DIP2A: variants seen among roughly 807,000 people sequenced by gnomAD.
The protein encoded by DIP2A is disco-interacting protein 2 homolog A.
A neutral mutation model predicts 177.4 loss-of-function variants in DIP2A; 85 were observed. The observed-to-expected ratio is 0.48, with a 90% confidence interval of 0.40 to 0.57. DIP2A has a LOEUF of 0.57. DIP2A is among the 20% of genes least tolerant of loss of function. The pLI, the probability that DIP2A is intolerant of heterozygous loss-of-function variation, is 0.00. For synonymous variants in DIP2A, 886 were observed against 881.8 expected (o/e 1.00, Z -0.08); for missense variants, 1,791 against 2,100.2 (o/e 0.85, Z 2.88).
chr21:46,480,872 G>A (rs1283608964), intron 1 of DIP2A, among the ~76,000 whole-genome samples: 2 of 152,124 alleles, frequency 1.3e-5, no homozygotes, highest in East Asian at 3.9e-4. Flanking sequence ...GCCCTGTTGG[G>A]GTGCTTCTTC....
chr21:46,554,373 C>T (rs1237955064), intron 26 of DIP2A, 81 bp downstream of exon 26: 3 of 1,572,376 alleles, frequency 1.9e-6, no homozygotes, highest in Non-Finnish European at 8.6e-7. Flanking sequence ...ACACTCCCTC[C>T]CCGAAGCATC....
At position 46,570,008 on chromosome 21, in the gene DIP2A, A is replaced by T. The variant is rs562272984; in HGVS notation, c.*2386A>T. The stretch of plus-strand genomic sequence containing the variant: ...TTGTACTTAATAAATTATAGACTTT[A>T]AAATCTATTACATATATTCTTCTAC... On this transcript the variant is annotated 3_prime_UTR_variant, in exon 38 of 38. Transcript: ENST00000417564. Among the ~76,000 whole-genome samples, 7 of 152,350 alleles carry T rather than the reference A, an allele frequency of 4.6e-5. No individual in the cohort carries two copies. The highest frequency in any genetic ancestry group is 1.4e-4 in the African/African-American group (6 of 41,588).
intron 1 of DIP2A, among the ~76,000 whole-genome samples, chr21:46,465,691 T>A (rs1249359790): frequency 2.6e-5 from 4 of 151,606 alleles, no homozygotes; most frequent in Admixed American, 2.6e-4. Context: ...CTTGCAGTTT[T>A]AAAAAAACAA....
At chr21:46,548,145 G>A (rs528687347) in intron 21 of DIP2A, among the ~76,000 whole-genome samples, 1 of 152,180 alleles carries the variant, frequency 6.6e-6, no homozygotes, top group South Asian at 2.1e-4. Context: ...ATTGCTCAGG[G>A]GGCTGGGAAG....
intron 7 of DIP2A, among the ~76,000 whole-genome samples, chr21:46,511,094 G>A (rs886240491): frequency 1.3e-5 from 2 of 152,084 alleles, no homozygotes; most frequent in Non-Finnish European, 2.9e-5. Context: ...CTGTGGTGCC[G>A]GGGGTAGCAG....
At chr21:46,551,485 G>T (rs1257341788) in intron 23 of DIP2A, 149 bp from the exon 24 acceptor site, 8 of 696,846 alleles carry the variant, frequency 1.1e-5, no homozygotes, top group Non-Finnish European at 1.9e-5. Context: ...CATAAACCTT[G>T]TAGCTAGCTT....
chr21:46,535,601 A>T (rs781574130), intron 13 of DIP2A, among the ~76,000 whole-genome samples: 12 of 152,196 alleles, frequency 7.9e-5, no homozygotes, highest in Non-Finnish European at 1.3e-4. Context: ...AAAAGAAAAA[A>T]ATATAGGTGT....
Position 46,537,108 on chromosome 21 carries a change from A to G in DIP2A, c.1643-116A>G. 2.1e-6 allele frequency: 2 copies of G among 938,408 alleles called. No individual in the cohort carries two copies. The highest frequency in any genetic ancestry group is 1.3e-5 in the South Asian group (1 of 74,876). 58.1% of individuals were successfully genotyped at this position (938,408 alleles called of 1,614,324 possible). A position where few individuals can be genotyped will look rare whatever the true frequency, so the allele number is the denominator to read the frequency against. On this transcript the variant is annotated intron_variant, in intron 13 of 37. Coordinates refer to ENST00000417564, the MANE Select transcript of DIP2A (RefSeq NM_015151.4). The surrounding 1 kb of genome is among the most constrained non-coding windows in gnomAD (Gnocchi z 4.1). ...GGTATGTGGTATTTGGAAATGCTGT[A>G]TCTGTTCCTGAAACTTACATGTTGA...
chr21:46,483,385 G>A (rs2056481162), intron 1 of DIP2A, among the ~76,000 whole-genome samples: 1 of 151,494 alleles, frequency 6.6e-6, no homozygotes, highest in African/African-American at 2.5e-5. Context: ...GGGGACACAG[G>A]GAATAAATAA....
chr21:46,498,445 G>A lies in DIP2A; in HGVS notation c.404-137G>A, dbSNP rs936308727. 14 of 1,054,292 alleles carry A rather than the reference G, an allele frequency of 1.3e-5. No homozygotes were observed. The highest frequency in any genetic ancestry group is 2.2e-4 in the Middle Eastern group (1 of 4,472). The allele number at this position is 1,054,292 out of a possible 1,614,324, so 65.3% of individuals were successfully genotyped here. ...TGAGGGTGACCTTTGAGCTGACTGCGTGGCTTTGGGCAGAGCTGTGCCAGG... is the reference window on the plus strand; with the variant it reads ...TGAGGGTGACCTTTGAGCTGACTGCATGGCTTTGGGCAGAGCTGTGCCAGG... On this transcript the variant is annotated intron_variant, in intron 4 of 37. Transcript: ENST00000417564. This position sits in a 1 kb window ranked among gnomAD's most constrained non-coding sequence, Gnocchi z 4.3.
rs1267743320 is a variant in DIP2A at position 46,523,235 on chromosome 21, T to C, written c.1103-5857T>C. On this transcript the variant is annotated intron_variant, in intron 8 of 37. Transcript: ENST00000417564. ...CCACCAATGCCTAGCTTCTTATTTATTTATTTATTTATTTTTTGAGATGGA... is the reference window on the plus strand; with the variant it reads ...CCACCAATGCCTAGCTTCTTATTTACTTATTTATTTATTTTTTGAGATGGA... 3.4e-5 allele frequency among the ~76,000 whole-genome samples: 5 copies of C among 148,382 alleles called. No homozygotes were observed. The East Asian group carries it at 1.0e-3, about 30-fold the overall frequency.
At position 46,557,147 on chromosome 21, in the gene DIP2A, C is replaced by T. The variant is rs932117862; in HGVS notation, c.3629+78C>T. ...TAGGAACCTTGGCCTTCTAAGGCAC[C>T]TTTTCTGGGTGCTCAGGAAGCCGAT... On this transcript the variant is annotated intron_variant, in intron 30 of 37. Coordinates refer to ENST00000417564, the MANE Select transcript of DIP2A (RefSeq NM_015151.4). The surrounding 1 kb of genome is among the most constrained non-coding windows in gnomAD (Gnocchi z 6.0). 6.1e-6 allele frequency: 9 copies of T among 1,465,846 alleles called. No homozygotes were observed. The African/African-American group carries it at 8.4e-5, about 14-fold the overall frequency. 90.8% of individuals were successfully genotyped at this position (1,465,846 alleles called of 1,614,324 possible).
chr21:46,550,561 C>T lies in DIP2A; in HGVS notation c.2656C>T (p.Gln886Ter). 6.2e-7 allele frequency: 1 copy of T among 1,613,294 alleles called. No homozygotes were observed. Among genetic ancestry groups the T allele is most frequent in the Non-Finnish European group, 8.5e-7 (1 of 1,179,636 alleles). The part of the protein sequence containing the change: ...RVLQAIDSIH[Q>*]VGVYCLALVP... The stretch of plus-strand genomic sequence containing the variant: ...CTTTCAGGCCATTGATAGCATCCAC[C>T]AGGTGGGCGTGTACTGTCTGGCCCT... Residue 886 changes from glutamine (Q) to a stop codon, truncating the protein, a stop_gained, in exon 23 of 38, where the codon CAG (glutamine) becomes TAG (stop). Transcript: ENST00000417564. LOFTEE classifies it high-confidence loss of function.
chr21:46,506,498 G>A (rs559467703), intron 6 of DIP2A, among the ~76,000 whole-genome samples: 2 of 152,268 alleles, frequency 1.3e-5, no homozygotes, highest in East Asian at 3.9e-4. Flanking sequence ...AGTAGTGAGA[G>A]TATCAGTTCC....
chr21:46,503,360 C>G (rs2057763273), intron 5 of DIP2A, among the ~76,000 whole-genome samples: 2 of 148,172 alleles, frequency 1.3e-5, no homozygotes, highest in South Asian at 4.2e-4. Flanking sequence ...TGATTGTGGT[C>G]TCTTAGTTTT....
At position 46,546,853 on chromosome 21, in the gene DIP2A, G is replaced by A. The variant is rs545564505; in HGVS notation, c.2395-62G>A. The A allele has an allele frequency of 5.7e-6, 9 of 1,592,456 alleles. No homozygotes were observed. In the South Asian group the frequency reaches 9.1e-5, roughly 16 times the overall value. ...CCCCTTCTTGGGGGGCCTGACCATG[G>A]TCCTGGCGCATCCAGCTTCTGCCCG... On this transcript the variant is annotated intron_variant, in intron 20 of 37. Coordinates refer to ENST00000417564, the MANE Select transcript of DIP2A (RefSeq NM_015151.4).
At position 46,557,494 on chromosome 21, in the gene DIP2A, C is replaced by T; in HGVS notation, c.3630-91C>T. The T allele has an allele frequency of 7.0e-7, 1 of 1,423,888 alleles. No individual in the cohort carries two copies. The highest frequency in any genetic ancestry group is 9.4e-7 in the Non-Finnish European group (1 of 1,061,008). 88.2% of individuals were successfully genotyped at this position (1,423,888 alleles called of 1,614,324 possible). ...AACAGAAATCATGCCCCTGTTGTGGCTGGAAAAGAAGTGTTCTTGAGGAAG... is the reference window on the plus strand; with the variant it reads ...AACAGAAATCATGCCCCTGTTGTGGTTGGAAAAGAAGTGTTCTTGAGGAAG... On this transcript the variant is annotated intron_variant, in intron 30 of 37. Transcript: ENST00000417564. This position sits in a 1 kb window ranked among gnomAD's most constrained non-coding sequence, Gnocchi z 6.0.
chr21:46,514,391 G>GC (rs1317140194), intron 8 of DIP2A, among the ~76,000 whole-genome samples: 9 of 150,148 alleles, frequency 6.0e-5, no homozygotes, highest in Non-Finnish European at 1.2e-4. Context: ...AGCTGAGATC[G>GC]CACCACTGCA....
chr21:46,489,831 A>G (rs1208503996), intron 2 of DIP2A, among the ~76,000 whole-genome samples: 1 of 152,122 alleles, frequency 6.6e-6, no homozygotes, highest in African/African-American at 2.4e-5. Context: ...GATACCAGGG[A>G]TTTTGTTCAG....
Sources: gnomAD v4.1 joint callset for allele counts (sites outside exome capture counted in the v4.1 genomes callset) on GRCh38, gnomAD v4.1.1 for gene constraint, Gnocchi (gnomAD v3.1) non-coding constraint, MANE v1.5 for transcripts, NCBI Gene and HGNC (gene_info 2026-07-23, HGNC 2026-07-21) for gene names.